The following CACNA2D3 variants were observed in gnomAD, a reference collection of about 807,000 sequenced individuals.
The protein encoded by CACNA2D3 is calcium voltage-gated channel auxiliary subunit alpha2delta 3, also known as voltage-dependent calcium channel subunit alpha-2/delta-3.
Under a neutral mutation model 160.6 loss-of-function variants are expected in CACNA2D3, and 60 were observed. That is an observed-to-expected ratio of 0.37 (90% CI 0.30 to 0.46). CACNA2D3 has a LOEUF of 0.46. CACNA2D3 is among the 20% of genes least tolerant of loss of function. The pLI is 1.00. For missense variants in CACNA2D3, 1,205 were observed against 1,365.0 expected (o/e 0.88, Z 1.85); for synonymous variants, 558 against 492.9 (o/e 1.13, Z -1.75).
intron 4 of CACNA2D3, among the ~76,000 whole-genome samples, chr3:54,475,390 C>A (rs1391897127): frequency 6.6e-6 from 1 of 152,152 alleles, no homozygotes; most frequent in Non-Finnish European, 1.5e-5. Flanking sequence ...TGGAAAGTCT[C>A]AATTGCAGCA....
intron 27 of CACNA2D3, among the ~76,000 whole-genome samples, chr3:54,907,879 A>G (rs1700479349): frequency 6.6e-6 from 1 of 152,262 alleles, no homozygotes; most frequent in Admixed American, 6.5e-5. Context: ...TTTATGATCC[A>G]TCTACATTGT....
intron 2 of CACNA2D3, among the ~76,000 whole-genome samples, chr3:54,174,231 T>C (rs1700623526): frequency 6.6e-6 from 1 of 152,196 alleles, no homozygotes; most frequent in African/African-American, 2.4e-5. Flanking sequence ...ATCCCTGCTG[T>C]AGGATGTGCT....
chr3:55,059,425 G>A (rs1033374797), intron 35 of CACNA2D3, among the ~76,000 whole-genome samples: 28 of 152,158 alleles, frequency 1.8e-4, no homozygotes, highest in African/African-American at 6.5e-4. Flanking sequence ...GACCCCCCTC[G>A]CAGGAAGTGC....
chr3:54,271,662 C>A (rs1043656333), intron 2 of CACNA2D3, among the ~76,000 whole-genome samples: 3 of 152,056 alleles, frequency 2.0e-5, no homozygotes, highest in Non-Finnish European at 1.5e-5. Context: ...CTTGTTCTAC[C>A]AAGTTACTGA....
chr3:54,789,001 G>A (rs905661824), intron 13 of CACNA2D3, among the ~76,000 whole-genome samples: 9 of 151,992 alleles, frequency 5.9e-5, no homozygotes, highest in Admixed American at 1.3e-4. Context: ...TTGATTGAGC[G>A]GCCAAAAATA....
chr3:54,386,711 T>G lies in CACNA2D3; in HGVS notation c.322-4T>G. The G allele has an allele frequency of 6.5e-7, 1 of 1,541,608 alleles. No individual in the cohort carries two copies. On this transcript the variant is annotated splice_region_variant and splice_polypyrimidine_tract_variant and intron_variant, in intron 3 of 37. Transcript: ENST00000474759. ...TGTCTTCTGTTTTTTTTTTTTTTTT[T>G]TAGCGTCTGGTGGAGGCTGCAGAAG...
chr3:54,550,983 A>T (rs1358636240), intron 5 of CACNA2D3, among the ~76,000 whole-genome samples: 1 of 150,912 alleles, frequency 6.6e-6, no homozygotes, highest in African/African-American at 2.4e-5. Flanking sequence ...GCCTCTAAAC[A>T]CTCCCCTCCA....
At chr3:54,433,062 A>C (rs1401198625) in intron 4 of CACNA2D3, among the ~76,000 whole-genome samples, 2 of 152,222 alleles carry the variant, frequency 1.3e-5, no homozygotes, top group Non-Finnish European at 2.9e-5. Flanking sequence ...TATGATTCCA[A>C]GCAAAAAATG....
intron 9 of CACNA2D3, among the ~76,000 whole-genome samples, chr3:54,607,167 A>G (rs2106783102): frequency 6.6e-6 from 1 of 152,236 alleles, no homozygotes; most frequent in African/African-American, 2.4e-5. Flanking sequence ...GGGCAGAGGA[A>G]TTGGCACTGT....
intron 2 of CACNA2D3, among the ~76,000 whole-genome samples, chr3:54,182,956 C>T (rs1700808392): frequency 6.6e-6 from 1 of 152,178 alleles, no homozygotes; most frequent in African/African-American, 2.4e-5. Flanking sequence ...TTTCACAGCA[C>T]ATTATGACAT....
intron 2 of CACNA2D3, among the ~76,000 whole-genome samples, chr3:54,279,660 G>C (rs190328787): frequency 6.6e-6 from 1 of 152,212 alleles, no homozygotes; most frequent in African/African-American, 2.4e-5. Flanking sequence ...CAGCCCTGTT[G>C]TACCTACAGG....
At chr3:54,518,027 C>G (rs1307803668) in intron 5 of CACNA2D3, among the ~76,000 whole-genome samples, 1 of 152,202 alleles carries the variant, frequency 6.6e-6, no homozygotes, top group African/African-American at 2.4e-5. Context: ...GTCTTTCCAA[C>G]AAAGCACAGT....
At chr3:54,908,552 C>A (rs1472441663) in intron 27 of CACNA2D3, among the ~76,000 whole-genome samples, 1 of 151,978 alleles carries the variant, frequency 6.6e-6, no homozygotes. Flanking sequence ...ACCACCTCTA[C>A]AAAAAAATAC....
chr3:54,565,022 A>G (rs576773563), intron 6 of CACNA2D3, among the ~76,000 whole-genome samples: 49 of 152,230 alleles, frequency 3.2e-4, no homozygotes, highest in African/African-American at 1.1e-3. Context: ...AATGGGGAAC[A>G]GGCCTGGCAG....
At chr3:54,375,993 C>G (rs1479234253) in intron 3 of CACNA2D3, among the ~76,000 whole-genome samples, 4 of 152,198 alleles carry the variant, frequency 2.6e-5, no homozygotes, top group Admixed American at 1.3e-4. Context: ...GCCTCAGTCT[C>G]TGTTCCAGGT....
Position 54,626,695 on chromosome 3 carries a change from AAAAAAAAAAAAAAAG to A in CACNA2D3, c.964-1088_964-1074del, listed in dbSNP as rs1344939264. On this transcript the variant is annotated intron_variant, in intron 9 of 37. Coordinates refer to ENST00000474759, the MANE Select transcript of CACNA2D3 (RefSeq NM_018398.3). The stretch of plus-strand genomic sequence containing the variant: ...CACATGGTTCCAGTCAAAAAAAAAA[AAAAAAAAAAAAAAAG>A]AAAGAAAAAGAAAGGGGTTCGGAAT... 3 of 727,306 alleles carry A rather than the reference AAAAAAAAAAAAAAAG, an allele frequency of 4.1e-6. No homozygotes were observed. In the African/African-American group the frequency reaches 5.8e-5, roughly 14 times the overall value. The allele number at this position is 727,306 out of a possible 1,614,324, so 45.1% of individuals were successfully genotyped here.
intron 2 of CACNA2D3, among the ~76,000 whole-genome samples, chr3:54,189,608 A>T (rs1337725480): frequency 2.6e-5 from 4 of 152,016 alleles, no homozygotes; most frequent in Non-Finnish European, 4.4e-5. Context: ...GCTTCTCGGG[A>T]CGTAGGATTG....
intron 2 of CACNA2D3, among the ~76,000 whole-genome samples, chr3:54,123,835 G>A (rs1699529959): frequency 6.6e-6 from 1 of 152,110 alleles, no homozygotes; most frequent in Non-Finnish European, 1.5e-5. Flanking sequence ...TCCTGGCTGG[G>A]GCTCGGAAAC....
chr3:55,010,287 C>T (rs916631484), intron 34 of CACNA2D3, among the ~76,000 whole-genome samples: 6 of 152,062 alleles, frequency 3.9e-5, no homozygotes, highest in African/African-American at 1.4e-4. Context: ...TCGGGTACTA[C>T]GTTCACTACC....
Sources: gnomAD v4.1 joint callset for allele counts (sites outside exome capture counted in the v4.1 genomes callset) on GRCh38, gnomAD v4.1.1 for gene constraint, MANE v1.5 for transcripts, NCBI Gene and HGNC (gene_info 2026-07-23, HGNC 2026-07-21) for gene names.